SYNC: variants seen among roughly 807,000 people sequenced by gnomAD.
SYNC encodes syncoilin, intermediate filament protein, also known as syncoilin.
A neutral mutation model predicts 49.5 loss-of-function variants in SYNC; 38 were observed. The observed-to-expected ratio is 0.77, with a 90% CI of 0.59 to 1.01. SYNC has a LOEUF of 1.01. Ranked by LOEUF, SYNC falls within the 50% of genes least tolerant of loss-of-function variation. SYNC has a pLI of 0.00. For synonymous variants in SYNC, 201 were observed against 230.8 expected (o/e 0.87, Z 1.17); for missense variants, 579 against 580.6 (o/e 1.00, Z 0.03).
chr1:32,684,970 T>C (rs1446151400), intron 2 of SYNC: 1 of 152,440 alleles, frequency 6.6e-6, no homozygotes, highest in African/African-American at 2.4e-5. Context: ...ATTGATGCTT[T>C]AGTGAGGGTG....
intron 2 of SYNC, among the ~76,000 whole-genome samples, chr1:32,691,998 C>A (rs1489634733): frequency 6.6e-6 from 1 of 151,988 alleles, no homozygotes; most frequent in Non-Finnish European, 1.5e-5. Context: ...CTTTGAGAGG[C>A]GAGGCGGGCG....
intron 2 of SYNC, among the ~76,000 whole-genome samples, chr1:32,687,803 C>G (rs1180404907): frequency 6.9e-6 from 1 of 145,740 alleles, no homozygotes; most frequent in African/African-American, 2.5e-5. Flanking sequence ...TTCCCTCTGT[C>G]TGGAAGACCT....
chr1:32,693,080 T>TTTG lies in SYNC; in HGVS notation c.1233+1784_1233+1785insCAA, dbSNP rs375353385. Among the ~76,000 whole-genome samples, 271 of 137,910 alleles carry TTTG rather than the reference T, an allele frequency of 2.0e-3. 1 individual carries two copies. Among genetic ancestry groups the TTTG allele is most frequent in the Non-Finnish European group, 2.8e-3 (178 of 63,518 alleles). The allele number at this position is 137,910 out of a possible 152,430, so 90.5% of individuals were successfully genotyped here. On this transcript the variant is annotated intron_variant, in intron 2 of 4. Transcript: ENST00000409190. ...AAAACCACAGTGTTTTTTTTTTGTT[T>TTTG]GTTTGTTTTTGTTTGTTTTTGAGAT...
chr1:32,696,812 T>A (rs1650453959), intron 1 of SYNC, among the ~76,000 whole-genome samples: 1 of 151,066 alleles, frequency 6.6e-6, no homozygotes, highest in African/African-American at 2.4e-5. Context: ...TTCTTTGAGA[T>A]GGAGTCTTGC....
In SYNC at chr1:32,695,304, T is replaced by C. The variant is rs1392922284; in HGVS notation, c.794A>G (p.Gln265Arg). 1.3e-6 allele frequency: 2 copies of C among 1,551,772 alleles called. No individual in the cohort carries two copies. Among genetic ancestry groups the C allele is most frequent in the Non-Finnish European group, 1.7e-6 (2 of 1,147,066 alleles). The change falls in exon 2 of 5, where the codon CAG becomes CGG. Residue 265 changes from glutamine to arginine, a missense_variant. Physicochemically the swap from Gln to Arg is conservative, Grantham distance 43. Coordinates refer to ENST00000409190, the MANE Select transcript of SYNC (RefSeq NM_030786.3). ...GAAATCGGCAAACTGAGCCACGTCC[T>C]GCTGGCGGCACTCCAGCTGGTATTG... ...AYQYQLECRQ[Q>R]DVAQFADFRE...
At chr1:32,688,563 T>A (rs1013714633) in intron 2 of SYNC, among the ~76,000 whole-genome samples, 12 of 152,226 alleles carry the variant, frequency 7.9e-5, no homozygotes, top group Non-Finnish European at 2.9e-5. Context: ...GCTTAGATTT[T>A]ACGAAATACA....
At chr1:32,686,646 A>C (rs1477215933) in intron 2 of SYNC, among the ~76,000 whole-genome samples, 1 of 152,212 alleles carries the variant, frequency 6.6e-6, no homozygotes, top group African/African-American at 2.4e-5. Flanking sequence ...GGATGAGTAA[A>C]GAGTTAAAGG....
At chr1:32,697,632 G>A (rs1650490689) in intron 1 of SYNC, among the ~76,000 whole-genome samples, 1 of 151,290 alleles carries the variant, frequency 6.6e-6, no homozygotes, top group Admixed American at 6.6e-5. Flanking sequence ...AGATACTTGG[G>A]AGGCTGTGGT....
At chr1:32,682,706 G>A (rs948368570) in intron 4 of SYNC, 3 of 151,808 alleles carry the variant, frequency 2.0e-5, no homozygotes, top group African/African-American at 7.3e-5. Flanking sequence ...AGGAGGTGGA[G>A]GTTGCAGTGA....
intron 2 of SYNC, among the ~76,000 whole-genome samples, chr1:32,687,854 T>TATTATTATTATTATTATTATTATTATG (rs1423000746): frequency 8.1e-4 from 18 of 22,138 alleles, no homozygotes; most frequent in African/African-American, 1.1e-3. Flanking sequence ...TTATTATTAT[T>TATTATTATTATTATTATTATTATTATG]ATTATTATTT....
intron 2 of SYNC, among the ~76,000 whole-genome samples, chr1:32,690,366 A>T (rs1392501497): frequency 6.6e-6 from 1 of 152,172 alleles, no homozygotes; most frequent in Admixed American, 6.6e-5. Flanking sequence ...AGCCCACTTT[A>T]TATCCTGCCA....
intron 2 of SYNC, among the ~76,000 whole-genome samples, chr1:32,690,412 C>T (rs949990156): frequency 7.9e-5 from 12 of 151,944 alleles, no homozygotes; most frequent in African/African-American, 2.9e-4. Context: ...ATTGGGAGGC[C>T]GAGACGGGTG....
intron 3 of SYNC, 36 bp downstream of exon 3, chr1:32,684,222 G>A: frequency 6.2e-7 from 1 of 1,613,582 alleles, no homozygotes; most frequent in South Asian, 1.1e-5. Context: ...CCCTCAGCCA[G>A]TATTAGATGA....
At chr1:32,698,685 C>T (rs1217951802) in intron 1 of SYNC, among the ~76,000 whole-genome samples, 3 of 152,120 alleles carry the variant, frequency 2.0e-5, no homozygotes, top group African/African-American at 7.2e-5. Context: ...TATTGCCTGC[C>T]AGCTCAGTCA....
At chr1:32,694,779 A>G (rs1042019851) in intron 2 of SYNC, 86 bp downstream of exon 2, 5 of 1,337,130 alleles carry the variant, frequency 3.7e-6, no homozygotes, top group Non-Finnish European at 5.1e-6. Flanking sequence ...ATGTGACACT[A>G]TCTTTCAGCC....
intron 4 of SYNC, 85 bp downstream of exon 4, chr1:32,683,925 G>A (rs1220062215): frequency 1.2e-5 from 17 of 1,387,094 alleles, no homozygotes; most frequent in African/African-American, 4.3e-5. Flanking sequence ...GAGCCACCCC[G>A]TCCGGCCTGT....
chr1:32,700,477 C>T lies in SYNC; in HGVS notation c.53+2131G>A, dbSNP rs552807542. The stretch of plus-strand genomic sequence containing the variant: ...TTGGGAGGCCGAGGCGGGTGGATCA[C>T]CTGAGGTCAGGAGTTTGAGACCAGC... On this transcript the variant is annotated intron_variant, in intron 1 of 4. Coordinates refer to ENST00000409190, the MANE Select transcript of SYNC (RefSeq NM_030786.3). 3.2e-3 allele frequency among the ~76,000 whole-genome samples: 485 copies of T among 152,218 alleles called. 4 individuals are homozygous for T. The highest frequency in any genetic ancestry group is 0.011 in the African/African-American group (473 of 41,548).
chr1:32,688,834 G>C (rs937008888), intron 2 of SYNC, among the ~76,000 whole-genome samples: 1 of 151,866 alleles, frequency 6.6e-6, no homozygotes, highest in Non-Finnish European at 1.5e-5. Context: ...ACTCGCCTCT[G>C]CCTCCCAAAG....
chr1:32,702,070 C>CT lies in SYNC; in HGVS notation c.53+537dup, dbSNP rs1208924467. On this transcript the variant is annotated intron_variant, in intron 1 of 4. Transcript: ENST00000409190. This position sits in a 1 kb window ranked among gnomAD's most constrained non-coding sequence, Gnocchi z 6.2. ...CCCCAAACCCCTCAGCCACAGGTCCCTTCCCCCAATAATCAGCCGTGCCCT... is the reference window on the plus strand; with the variant it reads ...CCCCAAACCCCTCAGCCACAGGTCCCTTTCCCCCAATAATCAGCCGTGCCCT... 6.6e-6 allele frequency among the ~76,000 whole-genome samples: 1 copy of CT among 152,204 alleles called. No homozygotes were observed. Among genetic ancestry groups the CT allele is most frequent in the Admixed American group, 6.5e-5 (1 of 15,278 alleles).
Sources: gnomAD v4.1 joint callset for allele counts (sites outside exome capture counted in the v4.1 genomes callset) on GRCh38, gnomAD v4.1.1 for gene constraint, Gnocchi (gnomAD v3.1) non-coding constraint, MANE v1.5 for transcripts, NCBI Gene and HGNC (gene_info 2026-07-23, HGNC 2026-07-21) for gene names.